Variants in MPV17L observed in about 807,000 individuals in gnomAD.
MPV17L encodes the protein mpv17-like protein.
In MPV17L, 24 loss-of-function variants were observed where a neutral mutation model predicts 25.8. The observed-to-expected ratio is 0.93, with a 90% CI of 0.67 to 1.31. The LOEUF (loss-of-function observed/expected upper bound fraction) is 1.31. Among genes scored for constraint, MPV17L ranks in the 50% most tolerant of loss-of-function variants. The pLI is 0.00. For missense variants in MPV17L, 250 were observed against 265.6 expected (o/e 0.94, Z 0.41); for synonymous variants, 102 against 115.3 (o/e 0.88, Z 0.74).
intron 2 of MPV17L, among the ~76,000 whole-genome samples, chr16:15,405,687 T>A (rs1259305964): frequency 1.3e-5 from 2 of 151,376 alleles, no homozygotes; most frequent in Admixed American, 1.3e-4. Flanking sequence ...CTTCAGGTGA[T>A]CTGCCTGCCT....
At chr16:15,398,590 C>CTTT (rs397742667) in intron 1 of MPV17L, among the ~76,000 whole-genome samples, 44 of 137,092 alleles carry the variant, frequency 3.2e-4, no homozygotes, top group East Asian at 1.1e-3. Context: ...TTCTTTCTTT[C>CTTT]TTTTTTTTTT....
rs2150910711 is a variant in MPV17L at position 15,412,999 on chromosome 16, TG to T, written c.*4888del. ...TTTGAAGTTATGAAAAGATAGTTTTTGTTACATGGGAAATTTACTTTTAGTA... is the reference window on the plus strand; with the variant it reads ...TTTGAAGTTATGAAAAGATAGTTTTTTTACATGGGAAATTTACTTTTAGTA... On this transcript the variant is annotated 3_prime_UTR_variant, in exon 4 of 4. Coordinates refer to ENST00000396385, the MANE Select transcript of MPV17L (RefSeq NM_001128423.2). 1 of 152,330 alleles carries T rather than the reference TG, an allele frequency of 6.6e-6. No individual in the cohort carries two copies. The highest frequency in any genetic ancestry group is 2.1e-4 in the South Asian group (1 of 4,828). The allele number at this position is 152,330 out of a possible 1,614,324, so 9.4% of individuals were successfully genotyped here.
At position 15,408,095 on chromosome 16, in the gene MPV17L, G is replaced by C. The variant is rs757686391; in HGVS notation, c.574G>C (p.Gly192Arg). The change falls in exon 4 of 4, where the codon GGG (glycine) becomes CGG (arginine). Residue 192 changes from glycine (G) to arginine (R), a missense_variant. By Grantham distance (125) the Gly-to-Arg change is moderately radical. Coordinates refer to ENST00000396385, the MANE Select transcript of MPV17L (RefSeq NM_001128423.2). The part of the protein sequence containing the change: ...LYTKGTSATE[G>R]YPKK ...TACAAAGGGGACCAGTGCCACAGAA[G>C]GGTACCCGAAGAAATGAGAAGTCAA... is the stretch of plus-strand genomic sequence containing the variant. 7.5e-6 allele frequency: 12 copies of C among 1,601,628 alleles called. No individual in the cohort carries two copies. In the African/African-American group the frequency reaches 1.6e-4, roughly 21 times the overall value.
intron 1 of MPV17L, among the ~76,000 whole-genome samples, chr16:15,400,399 G>A (rs1241493001): frequency 2.1e-5 from 3 of 143,858 alleles, no homozygotes; most frequent in African/African-American, 5.2e-5. Flanking sequence ...TGCCCAGGCT[G>A]GAGTGCAGTG....
chr16:15,410,178 G>C lies in MPV17L; in HGVS notation c.*2066G>C, dbSNP rs903217872. 6.6e-6 allele frequency: 1 copy of C among 152,166 alleles called. No homozygotes were observed. The highest frequency in any genetic ancestry group is 2.4e-5 in the African/African-American group (1 of 41,448). 9.4% of individuals were successfully genotyped at this position (152,166 alleles called of 1,614,324 possible). On this transcript the variant is annotated 3_prime_UTR_variant, in exon 4 of 4. Coordinates refer to ENST00000396385, the MANE Select transcript of MPV17L (RefSeq NM_001128423.2). ...CTATCTCAAGAAGTTTCACTTGGAC[G>C]TAGTGGTTCACGCTTGTAATCCCAG...
Position 15,408,404 on chromosome 16 carries a change from A to G in MPV17L, c.*292A>G. 4.1e-6 allele frequency: 1 copy of G among 245,772 alleles called. No homozygotes were observed. The highest frequency in any genetic ancestry group is 5.0e-5 in the Admixed American group (1 of 19,838). 15.2% of individuals were successfully genotyped at this position (245,772 alleles called of 1,614,324 possible). On this transcript the variant is annotated 3_prime_UTR_variant, in exon 4 of 4. Coordinates refer to ENST00000396385, the MANE Select transcript of MPV17L (RefSeq NM_001128423.2). ...CTAATATTTTAACACAAGTTTCAGG[A>G]AACTTGGTTTTGATTGTTCACATTT...
At position 15,408,132 on chromosome 16, in the gene MPV17L, A is replaced by G; in HGVS notation, c.*20A>G. On this transcript the variant is annotated 3_prime_UTR_variant, in exon 4 of 4. Coordinates refer to ENST00000396385, the MANE Select transcript of MPV17L (RefSeq NM_001128423.2). The stretch of plus-strand genomic sequence containing the variant: ...AAATGAGAAGTCAAGGACTCTCTTA[A>G]AGGGACCACATTTTTTACCTAAAAT... 6.5e-7 allele frequency: 1 copy of G among 1,545,412 alleles called. No individual in the cohort carries two copies. The highest frequency in any genetic ancestry group is 8.8e-7 in the Non-Finnish European group (1 of 1,140,252).
rs573425690 is a variant in MPV17L at position 15,410,948 on chromosome 16, G to T, written c.*2836G>T. ...AGAAGATACATTTTAACATCAAAAC[G>T]TAGGCCGGGCACAGTGGCTTACGCC... On this transcript the variant is annotated 3_prime_UTR_variant, in exon 4 of 4. Transcript: ENST00000396385. The T allele has an allele frequency of 6.6e-6, 1 of 151,268 alleles. No homozygotes were observed. Among genetic ancestry groups the T allele is most frequent in the South Asian group, 2.1e-4 (1 of 4,828 alleles). The allele number at this position is 151,268 out of a possible 1,614,324, so 9.4% of individuals were successfully genotyped here.
In MPV17L at chr16:15,408,622, T is replaced by TTTTTG. The variant is rs2050703988; in HGVS notation, c.*510_*511insTTTTG. The TTTTTG allele has an allele frequency of 6.7e-6, 1 of 149,164 alleles. No homozygotes were observed. Among genetic ancestry groups the TTTTTG allele is most frequent in the Admixed American group, 6.8e-5 (1 of 14,756 alleles). The allele number at this position is 149,164 out of a possible 1,614,324, so 9.2% of individuals were successfully genotyped here. On this transcript the variant is annotated 3_prime_UTR_variant, in exon 4 of 4. Coordinates refer to ENST00000396385, the MANE Select transcript of MPV17L (RefSeq NM_001128423.2). Reference sequence around the variant, plus strand: ...ATACCTTTTTTTTTTTTTTTTTTTTTGTGGTGGAGTCTTGCTGTCTCCCCG... The same window carrying TTTTTG: ...ATACCTTTTTTTTTTTTTTTTTTTTTTTTTGGTGGTGGAGTCTTGCTGTCTCCCCG...
chr16:15,410,228 G>C lies in MPV17L; in HGVS notation c.*2116G>C, dbSNP rs796406788. The C allele has an allele frequency of 7.2e-5, 11 of 152,198 alleles. No homozygotes were observed. Among genetic ancestry groups the C allele is most frequent in the African/African-American group, 2.6e-4 (11 of 41,530 alleles). The allele number at this position is 152,198 out of a possible 1,614,324, so 9.4% of individuals were successfully genotyped here. A position where few individuals can be genotyped will look rare whatever the true frequency, so the allele number is the denominator to read the frequency against. On this transcript the variant is annotated 3_prime_UTR_variant, in exon 4 of 4. Coordinates refer to ENST00000396385, the MANE Select transcript of MPV17L (RefSeq NM_001128423.2). ...GCACTTTGGGAGGCTGAGGTGGGAG[G>C]ATTGCTTAAGGCAAGGAGTTTGAGA...
rs2050720406 is a variant in MPV17L at position 15,410,132 on chromosome 16, G to A, written c.*2020G>A. The A allele has an allele frequency of 6.6e-6, 1 of 152,128 alleles. No individual in the cohort carries two copies. Among genetic ancestry groups the A allele is most frequent in the African/African-American group, 2.4e-5 (1 of 41,408 alleles). 9.4% of individuals were successfully genotyped at this position (152,128 alleles called of 1,614,324 possible). A position where few individuals can be genotyped will look rare whatever the true frequency, so the allele number is the denominator to read the frequency against. ...CTACACTTTATTAACTTCTACACCA[G>A]CAGATTTAAAAATTATGTAACTATC... On this transcript the variant is annotated 3_prime_UTR_variant, in exon 4 of 4. Coordinates refer to ENST00000396385, the MANE Select transcript of MPV17L (RefSeq NM_001128423.2).
chr16:15,406,056 G>A (rs933215264), intron 2 of MPV17L, among the ~76,000 whole-genome samples: 4 of 151,796 alleles, frequency 2.6e-5, no homozygotes, highest in African/African-American at 9.7e-5. Flanking sequence ...AGGCATGGTC[G>A]TGTGCACCTG....
chr16:15,401,784 T>C (rs1296551067), intron 2 of MPV17L, among the ~76,000 whole-genome samples: 1 of 151,908 alleles, frequency 6.6e-6, no homozygotes, highest in Non-Finnish European at 1.5e-5. Context: ...ACCACTGCAC[T>C]CCAGCCTGGG....
In MPV17L at chr16:15,396,194, G is replaced by C. The variant is rs1365794362; in HGVS notation, c.297G>C (p.Ser99=). 3.9e-6 allele frequency: 6 copies of C among 1,549,996 alleles called. No individual in the cohort carries two copies. The East Asian group carries it at 1.2e-4, about 31-fold the overall frequency. ...DQVVGAPIAV[S]AFYVGMSILQ... is the part of the protein sequence containing the mutation. ...TGGTCGGTGCGCCCATCGCGGTCTCGGCCTTCTATGTCGGTGAGGGGCCGG... is the reference window on the plus strand; with the variant it reads ...TGGTCGGTGCGCCCATCGCGGTCTCCGCCTTCTATGTCGGTGAGGGGCCGG... Residue 99 remains serine, a synonymous_variant, in exon 1 of 4, where the codon TCG becomes TCC. Transcript: ENST00000396385.
chr16:15,407,247 G>A (rs1372651995), intron 2 of MPV17L, among the ~76,000 whole-genome samples: 1 of 151,958 alleles, frequency 6.6e-6, no homozygotes, highest in Admixed American at 6.6e-5. Flanking sequence ...TTTCATTCTG[G>A]TGTTAAAAAT....
At chr16:15,401,080 ATATATATTT>A (rs1221603622) in intron 2 of MPV17L, among the ~76,000 whole-genome samples, 12 of 33,096 alleles carry the variant, frequency 3.6e-4, no homozygotes, top group South Asian at 1.9e-3. Context: ...ATATATATAT[ATATATATTT>A]TTTTTTTTTT....
rs1555503069 is a variant in MPV17L, at chr16:15,407,812, T to TTC, written c.382-12_382-11insTC. On this transcript the variant is annotated splice_polypyrimidine_tract_variant and intron_variant, in intron 2 of 3. Coordinates refer to ENST00000396385, the MANE Select transcript of MPV17L (RefSeq NM_001128423.2). ...TAATAAAGTTGTTGCTTTTTTTTTT[T>TTC]CCCAATTCCAGAGTGGACTGATGTA... 65 of 1,589,108 alleles carry TTC rather than the reference T, an allele frequency of 4.1e-5. No homozygotes were observed. The Middle Eastern group carries it at 8.5e-4, about 21-fold the overall frequency.
rs1328463087 is a variant in MPV17L at position 15,410,094 on chromosome 16, T to C, written c.*1982T>C. ...ATGAGAAACTTGATCTAATATTTAATATTTATTCAGTTCTACACTTTATTA... is the reference window on the plus strand; with the variant it reads ...ATGAGAAACTTGATCTAATATTTAACATTTATTCAGTTCTACACTTTATTA... On this transcript the variant is annotated 3_prime_UTR_variant, in exon 4 of 4. Transcript: ENST00000396385. The C allele has an allele frequency of 1.3e-5, 2 of 152,184 alleles. No individual in the cohort carries two copies. Among genetic ancestry groups the C allele is most frequent in the Non-Finnish European group, 2.9e-5 (2 of 68,042 alleles). The allele number at this position is 152,184 out of a possible 1,614,324, so 9.4% of individuals were successfully genotyped here. A position where few individuals can be genotyped will look rare whatever the true frequency, so the allele number is the denominator to read the frequency against.
At position 15,410,506 on chromosome 16, in the gene MPV17L, G is replaced by C. The variant is rs2050724238; in HGVS notation, c.*2394G>C. 6.6e-6 allele frequency: 1 copy of C among 151,946 alleles called. No individual in the cohort carries two copies. The highest frequency in any genetic ancestry group is 1.5e-5 in the Non-Finnish European group (1 of 68,008). 9.4% of individuals were successfully genotyped at this position (151,946 alleles called of 1,614,324 possible). ...GCAGAGATTGCAGTGAGCTGAGATT[G>C]TGCCACTGCACTCCAGCCTGGGTGA... On this transcript the variant is annotated 3_prime_UTR_variant, in exon 4 of 4. Transcript: ENST00000396385.
Sources: allele counts gnomAD v4.1 joint callset (sites outside exome capture counted in the v4.1 genomes callset), GRCh38; gene constraint gnomAD v4.1.1; transcripts MANE v1.5; gene names NCBI Gene and HGNC (gene_info 2026-07-23, HGNC 2026-07-21).